Variants in DPH6 observed in about 807,000 individuals in gnomAD.
DPH6 encodes the protein diphthamine biosynthesis 6.
In DPH6, 33 loss-of-function variants were observed where a neutral mutation model predicts 38.2. The observed-to-expected ratio is 0.86, with a 90% CI of 0.65 to 1.15. The LOEUF (loss-of-function observed/expected upper bound fraction) is 1.15, where lower values mean the gene tolerates loss of function less well. Among genes scored for constraint, DPH6 ranks in the 50% most tolerant of loss-of-function variants. DPH6 has a pLI of 0.00. For synonymous variants in DPH6, 108 were observed against 103.0 expected, an observed-to-expected ratio of 1.05 and a Z score of -0.30; for missense variants, 325 against 320.0, an observed-to-expected ratio of 1.02 and a Z score of -0.12.
At chr15:35,482,425 T>C (rs2054338763) in intron 3 of DPH6, among the ~76,000 whole-genome samples, 1 of 152,168 alleles carries the variant, frequency 6.6e-6, no homozygotes, top group Non-Finnish European at 1.5e-5. Context: ...TGGGAAAACT[T>C]ATACTACTTG....
chr15:35,368,164 G>T (rs1203206206), downstream of DPH6, among the ~76,000 whole-genome samples: 1 of 151,900 alleles, frequency 6.6e-6, no homozygotes, highest in Non-Finnish European at 1.5e-5. Context: ...CATCTCTTGT[G>T]CCTAAAGGTA....
At chr15:35,471,562 C>A (rs914612007) in intron 3 of DPH6, among the ~76,000 whole-genome samples, 1 of 152,084 alleles carries the variant, frequency 6.6e-6, no homozygotes, top group Non-Finnish European at 1.5e-5. Context: ...TTATTAAATC[C>A]TTTTCATTAC....
At chr15:35,543,259 A>AAT (rs6145522) in intron 1 of DPH6, among the ~76,000 whole-genome samples, 1,201 of 113,650 alleles carry the variant, frequency 0.011, 10 homozygotes, top group African/African-American at 0.015. Context: ...ACATACACAT[A>AAT]ATATATATAT....
chr15:35,191,703 A>C, the DPH6 span, among the ~76,000 whole-genome samples: 2 of 152,222 alleles, frequency 1.3e-5, no homozygotes, highest in Non-Finnish European at 2.9e-5. Context: ...CTAAAACTTG[A>C]AACTTATATT....
At chr15:35,473,695 C>T (rs1026242271) in intron 3 of DPH6, among the ~76,000 whole-genome samples, 12 of 152,106 alleles carry the variant, frequency 7.9e-5, no homozygotes, top group Admixed American at 1.3e-4. Context: ...TAGATATATT[C>T]ACACACATGA....
chr15:35,361,818 T>C (rs1215867606), intron 3 of DPH6, among the ~76,000 whole-genome samples: 1 of 151,918 alleles, frequency 6.6e-6, no homozygotes, highest in Non-Finnish European at 1.5e-5. Context: ...CTCATTTTGT[T>C]TATGCATCAT....
chr15:35,316,531 T>C (rs318360), intron 3 of DPH6, among the ~76,000 whole-genome samples: 72,092 of 152,024 alleles, frequency 0.47, 21,119 homozygotes, highest in Non-Finnish European at 0.64. Flanking sequence ...AGAGGCTTAG[T>C]GATTTAGAAG....
intron 3 of DPH6, among the ~76,000 whole-genome samples, chr15:35,510,753 T>C (rs781725776): frequency 2.0e-5 from 3 of 152,188 alleles, no homozygotes; most frequent in Non-Finnish European, 4.4e-5. Flanking sequence ...ATCATTAGTC[T>C]ACACTAAGTA....
At chr15:35,289,916 T>C (rs1030164188) in intron 3 of DPH6, among the ~76,000 whole-genome samples, 2 of 152,228 alleles carry the variant, frequency 1.3e-5, no homozygotes, top group Admixed American at 6.5e-5. Flanking sequence ...AATTTACTTT[T>C]GGGAGTTCTG....
intron 3 of DPH6, among the ~76,000 whole-genome samples, chr15:35,277,497 G>A (rs2051866986): frequency 1.3e-5 from 2 of 152,188 alleles, no homozygotes; most frequent in South Asian, 2.1e-4. Context: ...TTGGTACCAG[G>A]AGTGGGGTAT....
At chr15:35,504,682 C>A (rs1388626162) in intron 3 of DPH6, among the ~76,000 whole-genome samples, 1 of 151,960 alleles carries the variant, frequency 6.6e-6, no homozygotes, top group Non-Finnish European at 1.5e-5. Context: ...AATCAATATG[C>A]CCTGGAAATG....
chr15:35,394,561 T>C (rs921827360), intron 6 of DPH6, among the ~76,000 whole-genome samples: 1 of 152,224 alleles, frequency 6.6e-6, no homozygotes, highest in African/African-American at 2.4e-5. Context: ...CATGTTGTAA[T>C]GAGGCACAGT....
chr15:35,205,511 A>G, the DPH6 span, among the ~76,000 whole-genome samples: 1 of 152,096 alleles, frequency 6.6e-6, no homozygotes, highest in East Asian at 1.9e-4. Context: ...TTCTTTCAAT[A>G]TAATTTACAT....
chr15:35,351,619 T>C (rs1056461585), intron 3 of DPH6, among the ~76,000 whole-genome samples: 4 of 152,124 alleles, frequency 2.6e-5, no homozygotes, highest in African/African-American at 9.7e-5. Flanking sequence ...TATGGTTACA[T>C]CAGTCTGTTT....
chr15:35,294,910 A>G (rs934279068), intron 3 of DPH6, among the ~76,000 whole-genome samples: 29 of 152,180 alleles, frequency 1.9e-4, no homozygotes, highest in Non-Finnish European at 3.5e-4. Flanking sequence ...ACAGGATGAG[A>G]TATGTGCAAA....
chr15:35,507,878 C>T (rs1328402998), intron 3 of DPH6, among the ~76,000 whole-genome samples: 6 of 151,570 alleles, frequency 4.0e-5, no homozygotes, highest in Non-Finnish European at 8.8e-5. Flanking sequence ...ATATATATAA[C>T]CCATATATAT....
chr15:35,505,860 T>A (rs1326683001), intron 3 of DPH6, among the ~76,000 whole-genome samples: 2 of 152,122 alleles, frequency 1.3e-5, no homozygotes, highest in Non-Finnish European at 2.9e-5. Context: ...TTTAAACTAC[T>A]GTTGAAAATC....
intron 3 of DPH6, among the ~76,000 whole-genome samples, chr15:35,293,199 G>A (rs982457517): frequency 1.3e-5 from 2 of 152,108 alleles, no homozygotes; most frequent in Non-Finnish European, 2.9e-5. Context: ...TATAAAACAT[G>A]CTAGTTTTAA....
chr15:35,319,121 A>G (rs2052217950), intron 3 of DPH6, among the ~76,000 whole-genome samples: 1 of 152,196 alleles, frequency 6.6e-6, no homozygotes, highest in South Asian at 2.1e-4. Flanking sequence ...AAGTGGAGAG[A>G]GACCATCACC....
Sources: gnomAD v4.1 joint callset for allele counts (sites outside exome capture counted in the v4.1 genomes callset) on GRCh38, gnomAD v4.1.1 for gene constraint, MANE v1.5 for transcripts, NCBI Gene and HGNC (gene_info 2026-07-23, HGNC 2026-07-21) for gene names.